Variants in CFAP91 observed in about 807,000 individuals in gnomAD.
The protein encoded by CFAP91 is cilia- and flagella-associated protein 91.
A neutral mutation model predicts 95.9 loss-of-function variants in CFAP91; 85 were observed. The ratio of observed to expected loss-of-function variants is 0.89; its 90% CI spans 0.74 to 1.06. The LOEUF (loss-of-function observed/expected upper bound fraction) is 1.06. Ranked by LOEUF, CFAP91 falls within the 50% of genes least tolerant of loss-of-function variation. The pLI is 0.00. For synonymous variants in CFAP91, 335 were observed against 327.5 expected (o/e 1.02, Z -0.25); for missense variants, 962 against 943.4 (o/e 1.02, Z -0.26).
At chr3:119,715,844 G>T in intron 6 of CFAP91, 101 bp downstream of exon 6, 4 of 1,062,752 alleles carry the variant, frequency 3.8e-6, no homozygotes, top group Non-Finnish European at 5.8e-6. Context: ...TTACAGTGTT[G>T]CTATATAAAG....
intron 7 of CFAP91, among the ~76,000 whole-genome samples, chr3:119,729,435 G>T (rs2053851237): frequency 6.6e-6 from 1 of 152,068 alleles, no homozygotes; most frequent in Non-Finnish European, 1.5e-5. Context: ...CTTGAGGCCA[G>T]GGGTTCGAGA....
At position 119,703,261 on chromosome 3, in the gene CFAP91, T is replaced by C. The variant is rs775429202; in HGVS notation, c.124+39T>C. ...CAGACCTTCCTCCGCGTCCGTCGCCTCCTAGGCCAGGTGGGCTCCCAGATG... is the reference window on the plus strand; with the variant it reads ...CAGACCTTCCTCCGCGTCCGTCGCCCCCTAGGCCAGGTGGGCTCCCAGATG... On this transcript the variant is annotated intron_variant, in intron 1 of 17. Coordinates refer to ENST00000273390, the MANE Select transcript of CFAP91 (RefSeq NM_033364.4). 6.2e-6 allele frequency: 10 copies of C among 1,604,128 alleles called. No homozygotes were observed. In the African/African-American group the frequency reaches 1.3e-4, roughly 21 times the overall value.
At chr3:119,743,641 A>T (rs1212464291) in intron 13 of CFAP91, among the ~76,000 whole-genome samples, 1 of 152,176 alleles carries the variant, frequency 6.6e-6, no homozygotes, top group African/African-American at 2.4e-5. Flanking sequence ...ATTTCCCTTC[A>T]TATCTGAGAA....
chr3:119,752,400 G>A (rs947342877), intron 17 of CFAP91: 1 of 152,144 alleles, frequency 6.6e-6, no homozygotes, highest in Non-Finnish European at 1.5e-5. Context: ...CAGAGAGAAA[G>A]CTAATAAGTG....
At position 119,732,386 on chromosome 3, in the gene CFAP91, G is replaced by A; in HGVS notation, c.1111G>A (p.Val371Ile). The change falls in exon 9 of 18, where the codon GTC (valine) becomes ATC (isoleucine). Residue 371 changes from valine to isoleucine, a missense_variant. Physicochemically the swap from Val to Ile is conservative, Grantham distance 29. Coordinates refer to ENST00000273390, the MANE Select transcript of CFAP91 (RefSeq NM_033364.4). ...IKDYSDYASQ[V>I]YGPLSRLGCF... ...GGATTATTCTGATTATGCATCACAGGTCTATGGACCTCTGTCTCGTCTTGG... is the reference window on the plus strand; with the variant it reads ...GGATTATTCTGATTATGCATCACAGATCTATGGACCTCTGTCTCGTCTTGG... 1 of 1,613,184 alleles carries A rather than the reference G, an allele frequency of 6.2e-7. No individual in the cohort carries two copies. The highest frequency in any genetic ancestry group is 8.5e-7 in the Non-Finnish European group (1 of 1,179,382).
At chr3:119,715,963 C>A in intron 6 of CFAP91, 1 of 596,764 alleles carries the variant, frequency 1.7e-6, no homozygotes, top group Non-Finnish European at 3.0e-6. Context: ...ATCTGTGAAG[C>A]TGAATTTCAG....
At chr3:119,728,930 A>G (rs568369553) in intron 7 of CFAP91, among the ~76,000 whole-genome samples, 1 of 152,246 alleles carries the variant, frequency 6.6e-6, no homozygotes, top group Non-Finnish European at 1.5e-5. Flanking sequence ...TGCCTATTCC[A>G]CCAGAACAGT....
rs267599558 is a variant in CFAP91, at chr3:119,730,333, G to A, written c.974G>A (p.Gly325Glu). 51 of 1,613,896 alleles carry A rather than the reference G, an allele frequency of 3.2e-5. No individual in the cohort carries two copies. The highest frequency in any genetic ancestry group is 4.1e-5 in the Non-Finnish European group (48 of 1,179,986). ...GCCCGGTGGTCTAAACTGCAGGAGG[G>A]AAAAGAGGCAAAAATGGCAAAAATT... ...LNARWSKLQE[G>E]KEAKMAKIQR... is the part of the protein sequence containing the mutation. Residue 325 changes from glycine to glutamate, a missense_variant, in exon 8 of 18, where the codon GGA (glycine) becomes GAA (glutamate). By Grantham distance (98) the Gly-to-Glu change is moderately conservative. Coordinates refer to ENST00000273390, the MANE Select transcript of CFAP91 (RefSeq NM_033364.4).
At chr3:119,715,224 G>A (rs1427729881) in intron 5 of CFAP91, 1 of 325,478 alleles carries the variant, frequency 3.1e-6, no homozygotes, top group Non-Finnish European at 5.8e-6. Flanking sequence ...ACCAGAGAAT[G>A]TAGTAATGCT....
chr3:119,736,514 G>T lies in CFAP91; in HGVS notation c.1345-852G>T, dbSNP rs182631298. ...GATGGTCTTGATCTCCTGACCTCGT[G>T]ATCCACCCTCCTCGGCCTCCCAAAG... is the stretch of plus-strand genomic sequence containing the variant. On this transcript the variant is annotated intron_variant, in intron 10 of 17. Transcript: ENST00000273390. Among the ~76,000 whole-genome samples, 461 of 151,942 alleles carry T rather than the reference G, an allele frequency of 3.0e-3. 1 individual carries two copies. The highest frequency in any genetic ancestry group is 4.8e-3 in the Non-Finnish European group (328 of 67,950).
intron 6 of CFAP91, among the ~76,000 whole-genome samples, chr3:119,724,928 A>G (rs1346700430): frequency 6.6e-6 from 1 of 152,090 alleles, no homozygotes; most frequent in African/African-American, 2.4e-5. Context: ...CCTAATATTA[A>G]AAACAAGAGA....
At chr3:119,709,772 T>C in intron 4 of CFAP91, 67 bp from the exon 5 acceptor site, 1 of 1,125,930 alleles carries the variant, frequency 8.9e-7, no homozygotes, top group Non-Finnish European at 1.4e-6. Context: ...ATATTAGAGC[T>C]GGAAGAGAGC....
Position 119,733,220 on chromosome 3 carries a change from G to GACACTTCATTCTATT in CFAP91, c.1202-142_1202-128dup, listed in dbSNP as rs1490888231. 4.2e-6 allele frequency: 3 copies of GACACTTCATTCTATT among 711,058 alleles called. No homozygotes were observed. In the African/African-American group the frequency reaches 5.4e-5, roughly 13 times the overall value. The allele number at this position is 711,058 out of a possible 1,614,324, so 44.0% of individuals were successfully genotyped here. ...TGGAAATGTGCTATTACATTTCAGG[G>GACACTTCATTCTATT]ACACTTCATTCTATTATATGAGATA... On this transcript the variant is annotated intron_variant, in intron 9 of 17. Coordinates refer to ENST00000273390, the MANE Select transcript of CFAP91 (RefSeq NM_033364.4).
intron 5 of CFAP91, 184 bp from the exon 6 acceptor site, chr3:119,715,378 A>G: frequency 1.4e-6 from 1 of 708,754 alleles, no homozygotes. Flanking sequence ...TGAGAATAAC[A>G]AGGCAATTCT....
chr3:119,756,453 A>G (rs774424352), intron 17 of CFAP91, among the ~76,000 whole-genome samples: 2 of 152,196 alleles, frequency 1.3e-5, no homozygotes, highest in Non-Finnish European at 2.9e-5. Context: ...ATTAAAGGGT[A>G]CTTTTTAAGC....
chr3:119,707,590 A>G, intron 3 of CFAP91, 29 bp downstream of exon 3: 1 of 1,522,540 alleles, frequency 6.6e-7, no homozygotes, highest in Non-Finnish European at 8.9e-7. Flanking sequence ...CAGGGCCTAA[A>G]ATAAATGCAT....
chr3:119,708,300 T>C (rs1344737553), intron 3 of CFAP91, among the ~76,000 whole-genome samples: 1 of 152,100 alleles, frequency 6.6e-6, no homozygotes, highest in Non-Finnish European at 1.5e-5. Flanking sequence ...TTTTAATATT[T>C]TGCTATTCTT....
intron 17 of CFAP91, among the ~76,000 whole-genome samples, chr3:119,754,346 T>G (rs2054383166): frequency 6.6e-6 from 1 of 152,192 alleles, no homozygotes; most frequent in East Asian, 1.9e-4. Context: ...TGACTGCTTA[T>G]CATAAAATGT....
chr3:119,760,605 G>A (rs562292276), intron 17 of CFAP91, among the ~76,000 whole-genome samples: 1 of 151,760 alleles, frequency 6.6e-6, no homozygotes, highest in South Asian at 2.1e-4. Flanking sequence ...AATACACACA[G>A]AACATTCTCC....
Sources: allele counts gnomAD v4.1 joint callset (sites outside exome capture counted in the v4.1 genomes callset), GRCh38; gene constraint gnomAD v4.1.1; transcripts MANE v1.5; gene names NCBI Gene and HGNC (gene_info 2026-07-23, HGNC 2026-07-21).